Variants in ERC2 observed in about 807,000 individuals in gnomAD.
ERC2 encodes the protein ERC protein 2.
A neutral mutation model predicts 114.8 loss-of-function variants in ERC2; 42 were observed. The observed-to-expected ratio is 0.37, with a 90% confidence interval of 0.29 to 0.47. The LOEUF (loss-of-function observed/expected upper bound fraction) is 0.47, where lower values mean the gene tolerates loss of function less well. Ranked by LOEUF, ERC2 falls within the 20% of genes least tolerant of loss-of-function variation. ERC2 has a pLI of 0.99. For missense variants in ERC2, 939 were observed against 1,150.7 expected (o/e 0.82, Z 2.66); for synonymous variants, 454 against 425.5 (o/e 1.07, Z -0.82).
chr3:55,728,774 C>T (rs1250418250), intron 15 of ERC2, among the ~76,000 whole-genome samples: 1 of 152,184 alleles, frequency 6.6e-6, no homozygotes, highest in African/African-American at 2.4e-5. Context: ...CTGCATGCCT[C>T]TTGACAGCAA....
At chr3:55,647,921 G>A (rs1390359825) in intron 17 of ERC2, among the ~76,000 whole-genome samples, 1 of 152,224 alleles carries the variant, frequency 6.6e-6, no homozygotes, top group Non-Finnish European at 1.5e-5. Context: ...GTTGGCGGGT[G>A]GAGCAGAAGT....
chr3:55,963,989 G>T (rs949397108), intron 12 of ERC2, among the ~76,000 whole-genome samples: 5 of 152,154 alleles, frequency 3.3e-5, no homozygotes, highest in African/African-American at 4.8e-5. Flanking sequence ...TAAAACGGAG[G>T]TATAAGAAGA....
intron 2 of ERC2, among the ~76,000 whole-genome samples, chr3:56,330,136 T>C (rs1191262960): frequency 6.6e-6 from 1 of 152,028 alleles, no homozygotes; most frequent in Non-Finnish European, 1.5e-5. Context: ...CAGGCTCAAT[T>C]GATTGTCACA....
intron 1 of ERC2, among the ~76,000 whole-genome samples, chr3:56,442,490 G>A (rs1045512408): frequency 2.0e-5 from 3 of 151,946 alleles, no homozygotes; most frequent in African/African-American, 7.3e-5. Context: ...CAAAGTGCTG[G>A]GATTACAGGC....
intron 3 of ERC2, among the ~76,000 whole-genome samples, chr3:56,202,708 T>C (rs1255655503): frequency 6.6e-6 from 1 of 152,156 alleles, no homozygotes; most frequent in African/African-American, 2.4e-5. Context: ...TTGCCAGATA[T>C]ATATGATATG....
chr3:55,893,981 C>T (rs1163430755), intron 13 of ERC2, among the ~76,000 whole-genome samples: 1 of 152,112 alleles, frequency 6.6e-6, no homozygotes, highest in Non-Finnish European at 1.5e-5. Flanking sequence ...GCAATGATTG[C>T]AGAGCTCTTA....
intron 17 of ERC2, among the ~76,000 whole-genome samples, chr3:55,565,019 C>G (rs2056274771): frequency 1.3e-5 from 2 of 152,182 alleles, no homozygotes; most frequent in Admixed American, 1.3e-4. Flanking sequence ...CTTATAAACT[C>G]AGGCAGTGGG....
intron 14 of ERC2, among the ~76,000 whole-genome samples, chr3:55,745,414 GA>G (rs927581239): frequency 1.3e-5 from 2 of 152,124 alleles, no homozygotes; most frequent in Non-Finnish European, 2.9e-5. Flanking sequence ...TCTTCCATTG[GA>G]AAAAAATATT....
intron 4 of ERC2, among the ~76,000 whole-genome samples, chr3:56,159,990 G>T (rs2081965350): frequency 6.6e-6 from 1 of 152,022 alleles, no homozygotes; most frequent in South Asian, 2.1e-4. Context: ...GTGTCTTTTT[G>T]GTAAAACAAT....
intron 16 of ERC2, 38 bp from the exon 17 acceptor site, chr3:55,683,897 A>G: frequency 6.2e-7 from 1 of 1,604,714 alleles, no homozygotes; most frequent in African/African-American, 1.3e-5. Context: ...CACAGAGAGG[A>G]GGGGAGCACC....
At chr3:56,104,253 C>T (rs1025076968) in intron 6 of ERC2, among the ~76,000 whole-genome samples, 1 of 152,168 alleles carries the variant, frequency 6.6e-6, no homozygotes, top group African/African-American at 2.4e-5. Flanking sequence ...ATAATCTGCT[C>T]ACTTTGGCAA....
intron 2 of ERC2, among the ~76,000 whole-genome samples, chr3:56,333,969 T>C (rs959928312): frequency 1.3e-5 from 2 of 152,222 alleles, no homozygotes; most frequent in African/African-American, 4.8e-5. Context: ...AAACTTGGTT[T>C]GTAATCTTAT....
chr3:55,826,402 T>G (rs1046783604), intron 14 of ERC2, among the ~76,000 whole-genome samples: 1 of 152,182 alleles, frequency 6.6e-6, no homozygotes, highest in African/African-American at 2.4e-5. Flanking sequence ...GAATCTGGAC[T>G]CAGAATACCT....
chr3:56,247,633 G>T (rs768495740), intron 3 of ERC2, among the ~76,000 whole-genome samples: 3 of 152,180 alleles, frequency 2.0e-5, no homozygotes, highest in Non-Finnish European at 4.4e-5. Flanking sequence ...GACTGACCAA[G>T]AATAAAGTGG....
At chr3:56,128,357 G>A (rs1355425784) in intron 6 of ERC2, among the ~76,000 whole-genome samples, 6 of 152,046 alleles carry the variant, frequency 3.9e-5, no homozygotes. Flanking sequence ...GTTTATATCT[G>A]TGTCTCCAGC....
chr3:56,152,429 G>A (rs905952486), intron 4 of ERC2, among the ~76,000 whole-genome samples: 5 of 150,506 alleles, frequency 3.3e-5, no homozygotes, highest in East Asian at 1.9e-4. Context: ...GGGGGGGGGC[G>A]CTAAATATCT....
At chr3:56,436,459 C>A (rs1301055005) in intron 1 of ERC2, among the ~76,000 whole-genome samples, 1 of 152,040 alleles carries the variant, frequency 6.6e-6, no homozygotes, top group Non-Finnish European at 1.5e-5. Flanking sequence ...TTATTTTCAC[C>A]TGCCTATCAT....
At chr3:55,711,999 C>T (rs2063801853) in intron 15 of ERC2, among the ~76,000 whole-genome samples, 1 of 152,206 alleles carries the variant, frequency 6.6e-6, no homozygotes, top group African/African-American at 2.4e-5. Flanking sequence ...TTTCTCCAAA[C>T]TCTTTAATCT....
At chr3:56,283,573 T>C (rs1450765558) in intron 3 of ERC2, among the ~76,000 whole-genome samples, 1 of 152,220 alleles carries the variant, frequency 6.6e-6, no homozygotes, top group African/African-American at 2.4e-5. Flanking sequence ...CTCCACCCTT[T>C]ACAAATAAAT....
Sources: allele counts gnomAD v4.1 joint callset (sites outside exome capture counted in the v4.1 genomes callset), GRCh38; gene constraint gnomAD v4.1.1; transcripts MANE v1.5; gene names NCBI Gene and HGNC (gene_info 2026-07-23, HGNC 2026-07-21).